FAM117B: variants seen among roughly 807,000 people sequenced by gnomAD.
The protein encoded by FAM117B is protein FAM117B.
Under a neutral mutation model 52.8 loss-of-function variants are expected in FAM117B, and 22 were observed. The ratio of observed to expected loss-of-function variants is 0.42; its 90% confidence interval spans 0.30 to 0.59. FAM117B has a LOEUF of 0.59. Among genes scored for constraint, FAM117B ranks in the 20% least tolerant of loss-of-function variants. The pLI is 0.22. For missense variants in FAM117B, 678 were observed against 802.6 expected, an observed-to-expected ratio of 0.84 and a Z score of 1.88; for synonymous variants, 309 against 324.1, an observed-to-expected ratio of 0.95 and a Z score of 0.50.
intron 4 of FAM117B, among the ~76,000 whole-genome samples, chr2:202,734,737 A>T (rs550187388): frequency 3.9e-5 from 6 of 152,222 alleles, no homozygotes; most frequent in Non-Finnish European, 8.8e-5. Flanking sequence ...TTCTAAGTAC[A>T]TAGTAATTTC....
At position 202,765,996 on chromosome 2, in the gene FAM117B, A is replaced by G; in HGVS notation, c.*232A>G. On this transcript the variant is annotated 3_prime_UTR_variant, in exon 8 of 8. Transcript: ENST00000392238. Reference sequence around the variant, plus strand: ...ATCAAAGCACTGATTGAAACAAGAAAGGTCTCATTCTTTACCTTTGGAGAG... The same window carrying G: ...ATCAAAGCACTGATTGAAACAAGAAGGGTCTCATTCTTTACCTTTGGAGAG... 1.8e-6 allele frequency: 1 copy of G among 541,294 alleles called. No individual in the cohort carries two copies. The highest frequency in any genetic ancestry group is 3.3e-5 in the Admixed American group (1 of 30,438). The allele number at this position is 541,294 out of a possible 1,614,324, so 33.5% of individuals were successfully genotyped here. A position where few individuals can be genotyped will look rare whatever the true frequency, so the allele number is the denominator to read the frequency against.
intron 1 of FAM117B, among the ~76,000 whole-genome samples, chr2:202,684,010 G>A (rs980814858): frequency 1.3e-5 from 2 of 152,048 alleles, no homozygotes; most frequent in Admixed American, 6.6e-5. Context: ...GGGATCACAG[G>A]CACACGCTAC....
At chr2:202,749,869 CTA>C (rs1559115350) in intron 4 of FAM117B, among the ~76,000 whole-genome samples, 1 of 152,158 alleles carries the variant, frequency 6.6e-6, no homozygotes, top group African/African-American at 2.4e-5. Flanking sequence ...CTCTGGATCA[CTA>C]TATCTCTGGC....
At chr2:202,668,523 C>A (rs1268802573) in intron 1 of FAM117B, among the ~76,000 whole-genome samples, 1 of 113,998 alleles carries the variant, frequency 8.8e-6, no homozygotes, top group Non-Finnish European at 1.7e-5. Context: ...GCGAGACTCT[C>A]TCTCAAAAAA....
At chr2:202,691,275 G>A (rs1690617827) in intron 1 of FAM117B, among the ~76,000 whole-genome samples, 1 of 152,016 alleles carries the variant, frequency 6.6e-6, no homozygotes. Flanking sequence ...AATGAGCCAG[G>A]TGTTTTGGTG....
At chr2:202,734,686 A>C (rs1691412755) in intron 4 of FAM117B, among the ~76,000 whole-genome samples, 1 of 152,192 alleles carries the variant, frequency 6.6e-6, no homozygotes, top group South Asian at 2.1e-4. Context: ...TGTTGTCCAG[A>C]GGCTTAAATG....
chr2:202,681,879 G>A (rs971358015), intron 1 of FAM117B, among the ~76,000 whole-genome samples: 3 of 152,210 alleles, frequency 2.0e-5, no homozygotes, highest in Admixed American at 6.5e-5. Context: ...ATCCCTGTTT[G>A]TCCGGTCAGA....
At chr2:202,709,786 A>G (rs566691757) in intron 2 of FAM117B, among the ~76,000 whole-genome samples, 4 of 152,230 alleles carry the variant, frequency 2.6e-5, no homozygotes, top group African/African-American at 9.6e-5. Flanking sequence ...TGTGTCTTAT[A>G]TTTAAATCTT....
intron 7 of FAM117B, among the ~76,000 whole-genome samples, chr2:202,761,400 C>T (rs557015485): frequency 6.6e-6 from 1 of 152,258 alleles, no homozygotes; most frequent in South Asian, 2.1e-4. Context: ...CTATGTACTA[C>T]TACATTATTT....
At chr2:202,665,559 C>T (rs545210100) in intron 1 of FAM117B, among the ~76,000 whole-genome samples, 35 of 152,250 alleles carry the variant, frequency 2.3e-4, no homozygotes, top group Middle Eastern at 3.4e-3. Flanking sequence ...GATGTGATAT[C>T]TCGTTGTGTT....
chr2:202,681,667 A>G (rs754416521), intron 1 of FAM117B, among the ~76,000 whole-genome samples: 3 of 152,252 alleles, frequency 2.0e-5, no homozygotes, highest in African/African-American at 7.2e-5. Flanking sequence ...AATTAATAGT[A>G]TAAGTGGAGA....
intron 7 of FAM117B, among the ~76,000 whole-genome samples, chr2:202,759,759 G>A (rs984861059): frequency 7.9e-5 from 12 of 151,856 alleles, no homozygotes; most frequent in African/African-American, 2.4e-4. Flanking sequence ...GGGTTTCACC[G>A]CGTTAGCCAG....
chr2:202,749,480 G>A (rs533013268), intron 4 of FAM117B, among the ~76,000 whole-genome samples: 1 of 151,550 alleles, frequency 6.6e-6, no homozygotes, highest in African/African-American at 2.4e-5. Flanking sequence ...CACTAGGTAC[G>A]ATCTGTTTCT....
At chr2:202,669,224 A>G (rs1229612961) in intron 1 of FAM117B, among the ~76,000 whole-genome samples, 11 of 152,188 alleles carry the variant, frequency 7.2e-5, no homozygotes, top group Non-Finnish European at 4.4e-5. Context: ...CACAAAAATC[A>G]TGATATGATA....
At chr2:202,646,981 T>G (rs575156859) in intron 1 of FAM117B, among the ~76,000 whole-genome samples, 3 of 152,312 alleles carry the variant, frequency 2.0e-5, no homozygotes, top group South Asian at 4.1e-4. Context: ...TAACTAACTT[T>G]TTTTGGGGGA....
intron 1 of FAM117B, among the ~76,000 whole-genome samples, chr2:202,655,715 A>T (rs889685824): frequency 1.2e-5 from 1 of 82,126 alleles, no homozygotes; most frequent in African/African-American, 7.6e-5. Context: ...AGTGAGAGAG[A>T]GAGAGAGAGA....
chr2:202,642,275 T>C (rs1689782409), intron 1 of FAM117B, among the ~76,000 whole-genome samples: 1 of 150,038 alleles, frequency 6.7e-6, no homozygotes, highest in Non-Finnish European at 1.5e-5. Context: ...ATCATTGTCT[T>C]CCTTCTCATC....
At chr2:202,651,987 G>C (rs1375364210) in intron 1 of FAM117B, among the ~76,000 whole-genome samples, 1 of 151,166 alleles carries the variant, frequency 6.6e-6, no homozygotes, top group East Asian at 2.0e-4. Flanking sequence ...TGGGAGGCAG[G>C]GTTTGCAGTG....
chr2:202,700,896 T>G (rs899621668), intron 2 of FAM117B, among the ~76,000 whole-genome samples: 2 of 152,270 alleles, frequency 1.3e-5, no homozygotes, highest in South Asian at 4.1e-4. Flanking sequence ...GACAGGATCT[T>G]GCTATGTTGA....
Sources: gnomAD v4.1 joint callset for allele counts (sites outside exome capture counted in the v4.1 genomes callset) on GRCh38, gnomAD v4.1.1 for gene constraint, MANE v1.5 for transcripts, NCBI Gene and HGNC (gene_info 2026-07-23, HGNC 2026-07-21) for gene names.